The following TMPRSS6 variants were observed in gnomAD, a reference collection of about 807,000 sequenced individuals.
TMPRSS6 encodes the protein transmembrane protease serine 6.
A neutral mutation model predicts 101.5 loss-of-function variants in TMPRSS6; 67 were observed. The ratio of observed to expected loss-of-function variants is 0.66; its 90% CI spans 0.54 to 0.81. The LOEUF (loss-of-function observed/expected upper bound fraction) is 0.81. Ranked by LOEUF, TMPRSS6 falls within the 30% of genes least tolerant of loss-of-function variation. The pLI, the probability that TMPRSS6 is intolerant of heterozygous loss-of-function variation, is 0.00. For missense variants in TMPRSS6, 1,034 were observed against 1,088.7 expected (o/e 0.95, Z 0.71); for synonymous variants, 453 against 464.9 (o/e 0.97, Z 0.33).
intron 7 of TMPRSS6, among the ~76,000 whole-genome samples, chr22:37,088,504 TC>T (rs1437636224): frequency 7.2e-5 from 11 of 152,204 alleles, no homozygotes. Context: ...CAGAGCATCT[TC>T]CCCACCTCCT....
rs1230321237 is a variant in TMPRSS6 at position 37,086,360 on chromosome 22, A to G, written c.896T>C (p.Met299Thr). The G allele has an allele frequency of 1.2e-6, 2 of 1,612,978 alleles. No homozygotes were observed. Among genetic ancestry groups the G allele is most frequent in the Admixed American group, 1.7e-5 (1 of 59,898 alleles). Residue 299 changes from methionine to threonine, a missense_variant, in exon 8 of 18, where the codon ATG (methionine) becomes ACG (threonine). Met to Thr is a moderately conservative substitution (Grantham distance 81). Coordinates refer to ENST00000676104, the MANE Select transcript of TMPRSS6 (RefSeq NM_001374504.1). ...VVEVLASGAIMAVVWKKGLHS... is the reference protein window; with the variant it reads ...VVEVLASGAITAVVWKKGLHS... ...CAGGCCCTTCTTCCAGACGACCGCC[A>G]TGATGGCCCCCGACGCCAGAACCTC...
chr22:37,076,000 G>GAAGAAAGA (rs765324891), intron 10 of TMPRSS6, among the ~76,000 whole-genome samples: 1 of 145,012 alleles, frequency 6.9e-6, no homozygotes, highest in Non-Finnish European at 1.5e-5. Context: ...AGAAAGAAAG[G>GAAGAAAGA]AAGAAAGAAA....
In TMPRSS6 at chr22:37,075,187, G is replaced by A. The variant is rs747043024; in HGVS notation, c.1290C>T (p.Ser430=). Residue 430 remains serine (S), a synonymous_variant, in exon 11 of 18, where the codon TCC becomes TCT. Coordinates refer to ENST00000676104, the MANE Select transcript of TMPRSS6 (RefSeq NM_001374504.1). ...GCACCCGCACACCGGGCCCGGTGAGGGAGATCTGGGAGGTGAAGTTGATGG... is the reference window on the plus strand; with the variant it reads ...GCACCCGCACACCGGGCCCGGTGAGAGAGATCTGGGAGGTGAAGTTGATGG... The part of the protein sequence containing the change: ...GITINFTSQI[S]LTGPGVRVHY... The A allele has an allele frequency of 3.1e-6, 5 of 1,614,044 alleles. No individual in the cohort carries two copies. The South Asian group carries it at 5.5e-5, about 18-fold the overall frequency.
Position 37,086,269 on chromosome 22 carries a change from C to T in TMPRSS6, c.973+14G>A, listed in dbSNP as rs1413138220. 1 of 1,614,100 alleles carries T rather than the reference C, an allele frequency of 6.2e-7. No individual in the cohort carries two copies. The highest frequency in any genetic ancestry group is 1.1e-5 in the South Asian group (1 of 91,086). On this transcript the variant is annotated intron_variant, in intron 8 of 17. Coordinates refer to ENST00000676104, the MANE Select transcript of TMPRSS6 (RefSeq NM_001374504.1). ...ACCACCCCTCCCCTGCCCCAGGGAC[C>T]CCTGACCTCTCACCCTGGAAGACCA...
At chr22:37,067,840 G>A (rs984384196) in intron 16 of TMPRSS6, among the ~76,000 whole-genome samples, 1 of 151,958 alleles carries the variant, frequency 6.6e-6, no homozygotes, top group Non-Finnish European at 1.5e-5. Flanking sequence ...CTGCCATTCT[G>A]GTTGCTCCTC....
At chr22:37,092,227 C>T (rs1929333898) in intron 6 of TMPRSS6, among the ~76,000 whole-genome samples, 1 of 152,106 alleles carries the variant, frequency 6.6e-6, no homozygotes, top group Non-Finnish European at 1.5e-5. Context: ...TTCCCCTCCC[C>T]CAGCCTTTGC....
chr22:37,069,206 C>T lies in TMPRSS6; in HGVS notation c.1980G>A (p.Val660=), dbSNP rs748976430. 11 of 1,605,518 alleles carry T rather than the reference C, an allele frequency of 6.9e-6. No homozygotes were observed. The Admixed American group carries it at 1.2e-4, about 17-fold the overall frequency. Residue 660 remains valine, a synonymous_variant, in exon 16 of 18, where the codon GTG becomes GTA. Transcript: ENST00000676104. This position sits in a 1 kb window ranked among gnomAD's most constrained non-coding sequence, Gnocchi z 4.8. The stretch of plus-strand genomic sequence containing the variant: ...CCGGGTGGTCGAGCTGCAGCAGCGC[C>T]ACGTCGTAGTCATGGCTGTCCTCTT... ...YHEEDSHDYD[V]ALLQLDHPVV... is the part of the protein sequence containing the mutation.
chr22:37,106,717 C>T (rs973120002), intron 1 of TMPRSS6, among the ~76,000 whole-genome samples: 2 of 152,178 alleles, frequency 1.3e-5, no homozygotes, highest in Non-Finnish European at 2.9e-5. Flanking sequence ...ATCATCCAAA[C>T]CCCTTGCTGC....
intron 16 of TMPRSS6, chr22:37,068,514 G>T: frequency 1.3e-6 from 1 of 746,926 alleles, no homozygotes. Flanking sequence ...AAAGGGGAGA[G>T]ACCCTGTTTC....
intron 6 of TMPRSS6, among the ~76,000 whole-genome samples, chr22:37,094,800 C>G (rs1012755533): frequency 7.2e-5 from 11 of 152,178 alleles, no homozygotes; most frequent in African/African-American, 1.9e-4. Flanking sequence ...TTAAACTCTG[C>G]CTCCCTCCCT....
At chr22:37,082,530 G>C (rs900735906) in intron 10 of TMPRSS6, 1 of 167,988 alleles carries the variant, frequency 6.0e-6, no homozygotes, top group South Asian at 1.3e-4. Context: ...TCCTGTGAGC[G>C]GGGGTGAAGC....
In TMPRSS6 at chr22:37,065,722, AGT is replaced by A. The variant is rs1360299361; in HGVS notation, c.*356_*357del. 2 of 344,836 alleles carry A rather than the reference AGT, an allele frequency of 5.8e-6. No individual in the cohort carries two copies. The highest frequency in any genetic ancestry group is 4.2e-5 in the African/African-American group (2 of 47,608). 21.4% of individuals were successfully genotyped at this position (344,836 alleles called of 1,614,324 possible). On this transcript the variant is annotated 3_prime_UTR_variant, in exon 18 of 18. Coordinates refer to ENST00000676104, the MANE Select transcript of TMPRSS6 (RefSeq NM_001374504.1). Reference sequence around the variant, plus strand: ...GGCTGCCCAAACAGCCTCTGTACAGAGTGGGGCGCACCTCAGACACTCCTCGG... The same window carrying A: ...GGCTGCCCAAACAGCCTCTGTACAGAGGGGCGCACCTCAGACACTCCTCGG...
intron 10 of TMPRSS6, among the ~76,000 whole-genome samples, chr22:37,079,015 A>G (rs538521095): frequency 2.2e-4 from 29 of 131,082 alleles, no homozygotes; most frequent in African/African-American, 6.7e-4. Context: ...GAAAGAAAGA[A>G]AGAGAAAGAG....
upstream of TMPRSS6, among the ~76,000 whole-genome samples, chr22:37,109,835 C>T (rs1002054161): frequency 2.6e-5 from 4 of 152,196 alleles, no homozygotes; most frequent in African/African-American, 7.2e-5. Context: ...AGCTCTCCCC[C>T]GAGGCCCGTT....
Position 37,071,011 on chromosome 22 carries a change from G to A in TMPRSS6, c.1577C>T (p.Thr526Ile). ...CQEGVPCGTF[T>I]FQCEDRSCVK... The stretch of plus-strand genomic sequence containing the variant: ...GCAGCTCCGGTCCTCACACTGGAAG[G>A]TGAATGTCCCACATGGCACCCCTGG... Residue 526 changes from threonine (T) to isoleucine (I), a missense_variant, in exon 14 of 18, where the codon ACC (threonine) becomes ATC (isoleucine). Thr to Ile is a moderately conservative substitution (Grantham distance 89). Transcript: ENST00000676104. The A allele has an allele frequency of 6.2e-7, 1 of 1,613,022 alleles. No individual in the cohort carries two copies. Among genetic ancestry groups the A allele is most frequent in the Non-Finnish European group, 8.5e-7 (1 of 1,179,880 alleles).
Position 37,086,298 on chromosome 22 carries a change from G to GGT in TMPRSS6, c.957_958insAC (p.Pro320ThrfsTer10), listed in dbSNP as rs1569012596. On this transcript the variant is annotated frameshift_variant, in exon 8 of 18. Transcript: ENST00000676104. LOFTEE classifies it high-confidence loss of function. ...GACCTCTCACCCTGGAAGACCACCG[G>GGT]CTGCACGGAGAGCACGAAGGGGTCG... is the stretch of plus-strand genomic sequence containing the variant. 5 of 1,613,934 alleles carry GGT rather than the reference G, an allele frequency of 3.1e-6. No individual in the cohort carries two copies. Among genetic ancestry groups the GGT allele is most frequent in the Non-Finnish European group, 4.2e-6 (5 of 1,180,002 alleles).
chr22:37,084,702 G>GT (rs1303884642), intron 9 of TMPRSS6, 25 bp downstream of exon 9: 2 of 1,535,742 alleles, frequency 1.3e-6, no homozygotes, highest in Non-Finnish European at 1.8e-6. Flanking sequence ...CAGAGGGCAG[G>GT]TGGGCAGGCA....
intron 10 of TMPRSS6, among the ~76,000 whole-genome samples, chr22:37,078,930 G>A (rs5750376): frequency 1.1e-5 from 1 of 91,524 alleles, no homozygotes; most frequent in African/African-American, 6.5e-5. Context: ...GAAAGAAGAG[G>A]AAGAAGGAGA....
At position 37,096,082 on chromosome 22, in the gene TMPRSS6, G is replaced by T. The variant is rs755198262; in HGVS notation, c.413C>A (p.Pro138His). 1.2e-6 allele frequency: 2 copies of T among 1,614,032 alleles called. No homozygotes were observed. The highest frequency in any genetic ancestry group is 1.3e-5 in the African/African-American group (1 of 74,904). ...SSSVYSFGEG[P>H]LTCFFWFILQ... Reference sequence around the variant, plus strand: ...AATGAACCAGAAGAAGCAGGTGAGGGGTCCCTCCCTAAGGCAGGCAGAAGT... The same window carrying T: ...AATGAACCAGAAGAAGCAGGTGAGGTGTCCCTCCCTAAGGCAGGCAGAAGT... The change falls in exon 5 of 18, where the codon CCC becomes CAC. Residue 138 changes from proline (P) to histidine (H), a missense_variant. By Grantham distance (77) the Pro-to-His change is moderately conservative. Transcript: ENST00000676104.
Sources: allele counts gnomAD v4.1 joint callset (sites outside exome capture counted in the v4.1 genomes callset), GRCh38; gene constraint gnomAD v4.1.1; non-coding constraint Gnocchi (gnomAD v3.1); transcripts MANE v1.5; gene names NCBI Gene and HGNC (gene_info 2026-07-23, HGNC 2026-07-21).